TTLL5: variants seen among roughly 807,000 people sequenced by gnomAD.
TTLL5 encodes the protein tubulin tyrosine ligase like 5.
TTLL5 carries 132 observed loss-of-function variants against 168.4 expected under a neutral mutation model. The observed-to-expected ratio is 0.78, with a 90% confidence interval of 0.68 to 0.91. The LOEUF (loss-of-function observed/expected upper bound fraction) is 0.91. Among genes scored for constraint, TTLL5 ranks in the 40% least tolerant of loss-of-function variants. The pLI is 0.00. For missense variants in TTLL5, 1,545 were observed against 1,581.5 expected, an observed-to-expected ratio of 0.98 and a Z score of 0.39; for synonymous variants, 546 against 558.6, an observed-to-expected ratio of 0.98 and a Z score of 0.32.
intron 31 of TTLL5, among the ~76,000 whole-genome samples, chr14:75,937,792 A>G (rs934701501): frequency 1.3e-5 from 2 of 152,200 alleles, no homozygotes; most frequent in African/African-American, 4.8e-5. Context: ...ACCTTTAAAT[A>G]TTGTGAATAA....
chr14:75,768,464 A>G (rs1349018966), intron 20 of TTLL5, among the ~76,000 whole-genome samples: 1 of 152,200 alleles, frequency 6.6e-6, no homozygotes, highest in Non-Finnish European at 1.5e-5. Context: ...AGAATGCATC[A>G]GGGAGACAGC....
chr14:75,687,637 A>G (rs1885168588), intron 5 of TTLL5, among the ~76,000 whole-genome samples: 1 of 152,216 alleles, frequency 6.6e-6, no homozygotes, highest in Non-Finnish European at 1.5e-5. Context: ...AGAAAATGAA[A>G]AAACAAGCTA....
intron 27 of TTLL5, among the ~76,000 whole-genome samples, chr14:75,808,845 C>T (rs985901969): frequency 1.3e-5 from 2 of 151,836 alleles, no homozygotes; most frequent in Non-Finnish European, 2.9e-5. Context: ...AGACTGATCT[C>T]GAACTCCTGG....
intron 31 of TTLL5, chr14:75,904,106 G>C: frequency 8.0e-7 from 1 of 1,247,014 alleles, no homozygotes; most frequent in Non-Finnish European, 1.0e-6. Flanking sequence ...CTGATCCATG[G>C]AAGTATGATA....
chr14:75,722,447 A>G lies in TTLL5; in HGVS notation c.1042+1744A>G, dbSNP rs565690257. Among the ~76,000 whole-genome samples, 16 of 151,994 alleles carry G rather than the reference A, an allele frequency of 1.1e-4. 1 individual carries two copies. The highest frequency in any genetic ancestry group is 7.2e-4 in the Admixed American group (11 of 15,266). Reference sequence around the variant, plus strand: ...AAACTTTTTGTAGAAATGTGACCTCACTATGCATTATGCTTTTCTGTGCTT... The same window carrying G: ...AAACTTTTTGTAGAAATGTGACCTCGCTATGCATTATGCTTTTCTGTGCTT... On this transcript the variant is annotated intron_variant, in intron 12 of 31. Transcript: ENST00000298832.
chr14:75,693,675 C>T (rs1166110520), intron 6 of TTLL5, among the ~76,000 whole-genome samples: 1 of 152,192 alleles, frequency 6.6e-6, no homozygotes, highest in Non-Finnish European at 1.5e-5. Context: ...AAGGGGACAG[C>T]TTTCTAAGCA....
chr14:75,844,563 T>G (rs1896443230), intron 28 of TTLL5, among the ~76,000 whole-genome samples: 1 of 152,230 alleles, frequency 6.6e-6, no homozygotes, highest in Non-Finnish European at 1.5e-5. Flanking sequence ...GGCCTTAACC[T>G]AACCCTCAGT....
chr14:75,718,622 A>G (rs1329692201), intron 10 of TTLL5, among the ~76,000 whole-genome samples: 1 of 152,194 alleles, frequency 6.6e-6, no homozygotes, highest in Non-Finnish European at 1.5e-5. Flanking sequence ...TTGTGCCATT[A>G]TGTATTTTCT....
chr14:75,753,276 A>T (rs553139869), intron 18 of TTLL5, among the ~76,000 whole-genome samples: 1 of 152,358 alleles, frequency 6.6e-6, no homozygotes, highest in East Asian at 1.9e-4. Context: ...AATAGACACG[A>T]TTATCTGTTT....
At chr14:75,902,747 G>C (rs1219673488) in intron 31 of TTLL5, among the ~76,000 whole-genome samples, 1 of 152,186 alleles carries the variant, frequency 6.6e-6, no homozygotes, top group East Asian at 1.9e-4. Flanking sequence ...CAGTGTAGGT[G>C]CATACAGATA....
At chr14:75,687,899 G>A (rs140792250) in intron 5 of TTLL5, among the ~76,000 whole-genome samples, 33 of 152,264 alleles carry the variant, frequency 2.2e-4, no homozygotes, top group African/African-American at 7.9e-4. Context: ...CAGTATACCC[G>A]TTAGAATGGC....
chr14:75,720,781 C>A, intron 12 of TTLL5, 78 bp downstream of exon 12: 1 of 1,144,572 alleles, frequency 8.7e-7, no homozygotes, highest in South Asian at 1.2e-5. Flanking sequence ...GGTAGAGAGG[C>A]TTAGTGATTC....
chr14:75,727,437 C>G lies in TTLL5; in HGVS notation c.1043-4901C>G, dbSNP rs576289434. On this transcript the variant is annotated intron_variant, in intron 12 of 31. Transcript: ENST00000298832. ...AAGCACAATGCTAAGTGAAAGAAGC[C>G]AGTTTCAAGAAACTACATATTACAT... 3.9e-5 allele frequency among the ~76,000 whole-genome samples: 6 copies of G among 152,232 alleles called. No individual in the cohort carries two copies. The East Asian group carries it at 1.2e-3, about 29-fold the overall frequency.
At chr14:75,815,305 T>C (rs1894327872) in intron 27 of TTLL5, among the ~76,000 whole-genome samples, 1 of 152,184 alleles carries the variant, frequency 6.6e-6, no homozygotes, top group Non-Finnish European at 1.5e-5. Flanking sequence ...GTGAGAAGCT[T>C]TTAAAGTTTT....
chr14:75,926,156 C>CTTTTTTTT lies in TTLL5; in HGVS notation c.3823+23953_3823+23960dup, dbSNP rs34048806. Reference sequence around the variant, plus strand: ...TTAAAGACTAGGATTGCAACCCCAGCTTTTTTTTTTTTTTTTTTTTTTTTT... The same window carrying CTTTTTTTT: ...TTAAAGACTAGGATTGCAACCCCAGCTTTTTTTTTTTTTTTTTTTTTTTTTTTTTTTTT... On this transcript the variant is annotated intron_variant, in intron 31 of 31. Coordinates refer to ENST00000298832, the MANE Select transcript of TTLL5 (RefSeq NM_015072.5). Among the ~76,000 whole-genome samples the CTTTTTTTT allele has an allele frequency of 1.7e-3, 50 of 29,960 alleles. 4 individuals are homozygous for CTTTTTTTT. Among genetic ancestry groups the CTTTTTTTT allele is most frequent in the African/African-American group, 2.9e-3 (15 of 5,188 alleles). 19.7% of individuals were successfully genotyped at this position (29,960 alleles called of 152,430 possible).
At chr14:75,743,575 C>CT (rs33959405) in intron 15 of TTLL5, among the ~76,000 whole-genome samples, 48,728 of 63,356 alleles carry the variant, frequency 0.77, 19,606 homozygotes, top group South Asian at 0.84. Context: ...TGGCATCGCT[C>CT]TTTTTTTTTT....
At chr14:75,899,641 G>A (rs539602940) in intron 30 of TTLL5, among the ~76,000 whole-genome samples, 3 of 152,152 alleles carry the variant, frequency 2.0e-5, no homozygotes, top group Non-Finnish European at 4.4e-5. Context: ...CTGAATCTGT[G>A]GTGGTCTCCA....
rs932851673 is a variant in TTLL5 at position 75,934,413 on chromosome 14, ACT to A, written c.3824-20008_3824-20007del. On this transcript the variant is annotated intron_variant, in intron 31 of 31. Coordinates refer to ENST00000298832, the MANE Select transcript of TTLL5 (RefSeq NM_015072.5). ...ATTCAACCTCACCAAATACATGAGCACTCTGACTAACTTAATCTATAAGCTAT... is the reference window on the plus strand; with the variant it reads ...ATTCAACCTCACCAAATACATGAGCACTGACTAACTTAATCTATAAGCTAT... Among the ~76,000 whole-genome samples, 18 of 152,166 alleles carry A rather than the reference ACT, an allele frequency of 1.2e-4. 1 individual carries two copies. The highest frequency in any genetic ancestry group is 9.2e-4 in the Admixed American group (14 of 15,266).
chr14:75,891,863 A>G (rs2140055695), intron 30 of TTLL5, among the ~76,000 whole-genome samples: 1 of 152,326 alleles, frequency 6.6e-6, no homozygotes, highest in South Asian at 2.1e-4. Flanking sequence ...TTCATTATCT[A>G]TAAAATATCA....
Sources: allele counts gnomAD v4.1 joint callset (sites outside exome capture counted in the v4.1 genomes callset), GRCh38; gene constraint gnomAD v4.1.1; transcripts MANE v1.5; gene names NCBI Gene and HGNC (gene_info 2026-07-23, HGNC 2026-07-21).